The following OTOF variants were observed in gnomAD, a reference collection of about 807,000 sequenced individuals.
The protein encoded by OTOF is fer-1-like family member 2.
In OTOF, 218 loss-of-function variants were observed where a neutral mutation model predicts 236.8. The observed-to-expected ratio is 0.92, with a 90% CI of 0.82 to 1.03. OTOF has a LOEUF of 1.03. OTOF is among the 50% of genes least tolerant of loss of function. The probability of loss-of-function intolerance (pLI) is 0.00; values close to 1 mark genes in which losing one functional copy is unlikely to be tolerated. For missense variants in OTOF, 2,590 were observed against 2,694.4 expected, an observed-to-expected ratio of 0.96 and a Z score of 0.86; for synonymous variants, 1,041 against 1,072.5, an observed-to-expected ratio of 0.97 and a Z score of 0.57.
At chr2:26,505,412 T>TACACACAC (rs10550936) in intron 5 of OTOF, among the ~76,000 whole-genome samples, 33 of 150,286 alleles carry the variant, frequency 2.2e-4, no homozygotes, top group South Asian at 1.3e-3. Context: ...GGAGGTGAGT[T>TACACACAC]ACACACACAC....
chr2:26,466,964 T>C (rs1664757138), intron 35 of OTOF, 113 bp from the exon 36 acceptor site: 1 of 1,565,908 alleles, frequency 6.4e-7, no homozygotes, highest in Non-Finnish European at 8.8e-7. Context: ...CTTCACCCTT[T>C]AACTGCTGAG....
chr2:26,528,660 G>A (rs1166958034), intron 2 of OTOF, among the ~76,000 whole-genome samples: 1 of 152,192 alleles, frequency 6.6e-6, no homozygotes, highest in Non-Finnish European at 1.5e-5. Context: ...AGAGGCTAAA[G>A]TGGCCCAGTG....
intron 1 of OTOF, among the ~76,000 whole-genome samples, chr2:26,547,696 C>T (rs1018104817): frequency 1.8e-4 from 28 of 151,932 alleles, no homozygotes; most frequent in Admixed American, 1.8e-3. Flanking sequence ...ATTAGCCGGG[C>T]GTGGTGGCAC....
In OTOF at chr2:26,467,160, C is replaced by A. The variant is rs1664771258; in HGVS notation, c.4301G>T (p.Gly1434Val). Residue 1434 changes from glycine to valine, a missense_variant, in exon 35 of 47, where the codon GGC becomes GTC. By Grantham distance (109) the Gly-to-Val change is moderately radical (BLOSUM62 -3). Around this residue, in one of 2 missense-constraint regions of OTOF, gnomAD observed 1,211 missense variants for 1,352.8 expected, o/e 0.90. Coordinates refer to ENST00000272371, the MANE Select transcript of OTOF (RefSeq NM_194248.3). Reference protein sequence around the residue: ...DWLHTFNLLRGKTGDDEDGST... With the variant: ...DWLHTFNLLRVKTGDDEDGST... Reference sequence around the variant, plus strand: ...GCCATCCTCATCATCCCCGGTCTTGCCCCGAAGCAAGTTGAAAGTGTGCAG... The same window carrying A: ...GCCATCCTCATCATCCCCGGTCTTGACCCGAAGCAAGTTGAAAGTGTGCAG... The A allele has an allele frequency of 6.2e-7, 1 of 1,614,000 alleles. No homozygotes were observed. Among genetic ancestry groups the A allele is most frequent in the Admixed American group, 1.7e-5 (1 of 60,010 alleles).
Position 26,475,412 on chromosome 2 carries a change from G to A in OTOF, c.3073C>T (p.Leu1025=). 6.2e-7 allele frequency: 1 copy of A among 1,613,086 alleles called. No individual in the cohort carries two copies. Among genetic ancestry groups the A allele is most frequent in the Non-Finnish European group, 8.5e-7 (1 of 1,179,880 alleles). ...NLELYGEAHE[L]RDDPPIIVIE... is the part of the protein sequence containing the mutation. ...ACAATGATGGGCGGATCGTCCCTCA[G>A]CTCATGAGCTTCACCATAGAGCTCC... The change falls in exon 25 of 47, where the codon CTG becomes TTG. Residue 1025 remains leucine, a synonymous_variant. Coordinates refer to ENST00000272371, the MANE Select transcript of OTOF (RefSeq NM_194248.3).
chr2:26,531,148 T>A (rs1666937735), intron 2 of OTOF, among the ~76,000 whole-genome samples: 2 of 152,196 alleles, frequency 1.3e-5, no homozygotes, highest in African/African-American at 4.8e-5. Context: ...CCATCTCCCA[T>A]TGCTGACACC....
chr2:26,468,300 TG>T, intron 33 of OTOF, 107 bp downstream of exon 33: 1 of 846,074 alleles, frequency 1.2e-6, no homozygotes, highest in Non-Finnish European at 2.1e-6. Context: ...CTACTAAGGC[TG>T]GGAGGGCTGG....
At chr2:26,529,419 G>A (rs748142461) in intron 2 of OTOF, among the ~76,000 whole-genome samples, 22 of 152,150 alleles carry the variant, frequency 1.4e-4, no homozygotes, top group African/African-American at 5.1e-4. Context: ...AATGCTCTAC[G>A]TGCATATTCA....
intron 2 of OTOF, among the ~76,000 whole-genome samples, chr2:26,536,912 C>T (rs1467387423): frequency 2.0e-5 from 3 of 152,128 alleles, no homozygotes; most frequent in South Asian, 2.1e-4. Context: ...CGGAGGAGGC[C>T]GCAGGCTGCT....
chr2:26,541,330 G>C (rs993677417), intron 1 of OTOF, among the ~76,000 whole-genome samples: 3 of 152,150 alleles, frequency 2.0e-5, no homozygotes, highest in Non-Finnish European at 2.9e-5. Context: ...TCAGGGTTCT[G>C]TTTCAAAATG....
At position 26,459,318 on chromosome 2, in the gene OTOF, C is replaced by G. The variant is rs575480209; in HGVS notation, c.*17+690G>C. 4.6e-5 allele frequency among the ~76,000 whole-genome samples: 7 copies of G among 152,098 alleles called. No individual in the cohort carries two copies. The South Asian group carries it at 1.5e-3, about 32-fold the overall frequency. ...CTGTAATCCCAGCACTTTGGGAGGC[C>G]GAGATGGGCGGATCACGAGGTCAGG... On this transcript the variant is annotated intron_variant, in intron 46 of 46. Transcript: ENST00000272371.
intron 1 of OTOF, among the ~76,000 whole-genome samples, chr2:26,550,289 T>C (rs1227578950): frequency 6.6e-6 from 1 of 152,142 alleles, no homozygotes; most frequent in Non-Finnish European, 1.5e-5. Context: ...AGTCCCTGTC[T>C]CCGGAGCCTT....
At chr2:26,529,388 T>C (rs1162248435) in intron 2 of OTOF, among the ~76,000 whole-genome samples, 3 of 152,212 alleles carry the variant, frequency 2.0e-5, no homozygotes, top group Non-Finnish European at 4.4e-5. Context: ...TCTGGGGAAC[T>C]TTTTCTTATG....
intron 25 of OTOF, among the ~76,000 whole-genome samples, 192 bp downstream of exon 25, chr2:26,475,167 G>T (rs1665190326): frequency 6.6e-6 from 1 of 152,072 alleles, no homozygotes; most frequent in African/African-American, 2.4e-5. Context: ...CTGGGAAGGG[G>T]TCAGGCTGCC....
intron 5 of OTOF, among the ~76,000 whole-genome samples, chr2:26,509,433 C>T (rs1041737950): frequency 2.0e-5 from 3 of 152,188 alleles, no homozygotes; most frequent in East Asian, 1.9e-4. Context: ...TCCTACACAG[C>T]GCCATTTCCT....
At chr2:26,551,192 G>A (rs1472344395) in intron 1 of OTOF, among the ~76,000 whole-genome samples, 3 of 152,296 alleles carry the variant, frequency 2.0e-5, no homozygotes, top group Admixed American at 1.3e-4. Flanking sequence ...GTTTCACCAT[G>A]TTGGCCAGGC....
chr2:26,537,829 T>C (rs1190087858), intron 1 of OTOF, 55 bp from the exon 2 acceptor site: 2 of 1,316,048 alleles, frequency 1.5e-6, no homozygotes, highest in Non-Finnish European at 2.1e-6. Flanking sequence ...ACGATGAGCA[T>C]GGGGTCAGAC....
chr2:26,470,885 T>TG lies in OTOF; in HGVS notation c.3895-165dup, dbSNP rs1200414440. Among the ~76,000 whole-genome samples the TG allele has an allele frequency of 3.3e-5, 5 of 152,270 alleles. No homozygotes were observed. The East Asian group carries it at 7.7e-4, about 24-fold the overall frequency. On this transcript the variant is annotated intron_variant, in intron 31 of 46. Coordinates refer to ENST00000272371, the MANE Select transcript of OTOF (RefSeq NM_194248.3). This position sits in a 1 kb window ranked among gnomAD's most constrained non-coding sequence, Gnocchi z 4.3. Reference sequence around the variant, plus strand: ...GCAGGGCCTTATTTTATGGAGAAGGTGCCACAGGCCACAGAGTGTTGTGAC... The same window carrying TG: ...GCAGGGCCTTATTTTATGGAGAAGGTGGCCACAGGCCACAGAGTGTTGTGAC...
intron 1 of OTOF, among the ~76,000 whole-genome samples, chr2:26,539,691 C>T (rs4640346): frequency 0.016 from 2,396 of 152,176 alleles, 62 homozygotes; most frequent in East Asian, 0.12. Flanking sequence ...GCCGAGATTG[C>T]GCCATTGCAC....
Sources: allele counts gnomAD v4.1 joint callset (sites outside exome capture counted in the v4.1 genomes callset), GRCh38; gene constraint gnomAD v4.1.1; regional missense constraint gnomAD v4.1.1; non-coding constraint Gnocchi (gnomAD v3.1); transcripts MANE v1.5; gene names NCBI Gene and HGNC (gene_info 2026-07-23, HGNC 2026-07-21).